The following GOLGA5 variants were observed in gnomAD, a reference collection of about 807,000 sequenced individuals.
GOLGA5 encodes golgin subfamily A member 5.
In GOLGA5, 50 loss-of-function variants were observed where a neutral mutation model predicts 93.5. The observed-to-expected ratio is 0.53, with a 90% CI of 0.43 to 0.68. GOLGA5 has a LOEUF of 0.68. GOLGA5 is among the 30% of genes least tolerant of loss of function. The pLI is 0.00. For synonymous variants in GOLGA5, 312 were observed against 304.5 expected, an observed-to-expected ratio of 1.02 and a Z score of -0.26; for missense variants, 760 against 856.4, an observed-to-expected ratio of 0.89 and a Z score of 1.40.
At chr14:92,810,565 G>C in intron 5 of GOLGA5, 188 bp downstream of exon 5, 3 of 384,364 alleles carry the variant, frequency 7.8e-6, no homozygotes, top group Non-Finnish European at 1.4e-5. Flanking sequence ...AATTTTATGT[G>C]TTGAGAGACA....
chr14:92,823,518 A>T (rs1373446224), intron 8 of GOLGA5, among the ~76,000 whole-genome samples: 2 of 151,156 alleles, frequency 1.3e-5, no homozygotes, highest in Non-Finnish European at 2.9e-5. Context: ...AGGCTCAGGT[A>T]ATTCTCCCAC....
intron 12 of GOLGA5, 85 bp downstream of exon 12, chr14:92,837,534 G>T: frequency 1.4e-6 from 1 of 704,502 alleles, no homozygotes; most frequent in South Asian, 1.6e-5. Flanking sequence ...TTTGGCTACA[G>T]ATCTTATTGA....
At chr14:92,798,063 A>G (rs947064973) in intron 2 of GOLGA5, 82 bp downstream of exon 2, 2 of 914,474 alleles carry the variant, frequency 2.2e-6, no homozygotes, top group South Asian at 3.2e-5. Flanking sequence ...TTTCTCATCT[A>G]CTGTTATGGA....
intron 7 of GOLGA5, among the ~76,000 whole-genome samples, chr14:92,819,500 G>T (rs934590463): frequency 1.3e-5 from 2 of 152,024 alleles, no homozygotes; most frequent in Non-Finnish European, 2.9e-5. Context: ...AGGCCTCGTG[G>T]CATGTGCCTG....
chr14:92,799,204 ATCC>A (rs1264160685), intron 2 of GOLGA5, among the ~76,000 whole-genome samples: 4 of 150,998 alleles, frequency 2.6e-5, no homozygotes, highest in Non-Finnish European at 5.9e-5. Flanking sequence ...AGCTCAAGTG[ATCC>A]TCCTACTTTG....
intron 3 of GOLGA5, among the ~76,000 whole-genome samples, chr14:92,808,495 A>T (rs1386373682): frequency 6.6e-6 from 1 of 151,840 alleles, no homozygotes; most frequent in Admixed American, 6.6e-5. Flanking sequence ...TTTTGTTTTA[A>T]ATTAGCTGAA....
intron 12 of GOLGA5, 64 bp downstream of exon 12, chr14:92,837,513 T>TC (rs1885670959): frequency 1.3e-6 from 1 of 761,140 alleles, no homozygotes; most frequent in African/African-American, 1.8e-5. Flanking sequence ...TTTTTTTGTT[T>TC]GTTTGTTTGT....
intron 9 of GOLGA5, 115 bp from the exon 10 acceptor site, chr14:92,833,005 TAG>T: frequency 2.9e-6 from 2 of 682,920 alleles, no homozygotes; most frequent in East Asian, 2.5e-5. Context: ...TGAGTCAGTA[TAG>T]AGTTTTGAGA....
chr14:92,821,963 G>C (rs1463117562), intron 8 of GOLGA5, among the ~76,000 whole-genome samples: 1 of 152,188 alleles, frequency 6.6e-6, no homozygotes, highest in African/African-American at 2.4e-5. Flanking sequence ...CCTCTTCCCA[G>C]TGCCTTTTTA....
intron 7 of GOLGA5, 138 bp from the exon 8 acceptor site, chr14:92,819,570 C>A: frequency 1.4e-6 from 1 of 726,458 alleles, no homozygotes; most frequent in Admixed American, 2.6e-5. Context: ...GAGTTTGAGG[C>A]TGCCATGAAC....
chr14:92,817,021 C>T (rs917713270), intron 7 of GOLGA5, among the ~76,000 whole-genome samples: 6 of 151,892 alleles, frequency 4.0e-5, no homozygotes, highest in Non-Finnish European at 8.8e-5. Flanking sequence ...CTGCAACCTC[C>T]ACTCCACCTG....
intron 6 of GOLGA5, among the ~76,000 whole-genome samples, chr14:92,812,962 C>G (rs1332355010): frequency 6.6e-6 from 1 of 152,208 alleles, no homozygotes; most frequent in African/African-American, 2.4e-5. Context: ...CAGTGCCCAG[C>G]TGCCTACTGT....
Position 92,816,348 on chromosome 14 carries a change from A to G in GOLGA5, c.1418A>G (p.His473Arg), listed in dbSNP as rs961101058. ...ASSMELEELRHEKEMQREEIQ... is the reference protein window; with the variant it reads ...ASSMELEELRREKEMQREEIQ... ...AGCATGGAGCTGGAAGAACTTCGGCATGAGAAAGAGATGCAGAGGGAGGAA... is the reference window on the plus strand; with the variant it reads ...AGCATGGAGCTGGAAGAACTTCGGCGTGAGAAAGAGATGCAGAGGGAGGAA... The change falls in exon 7 of 13, where the codon CAT (histidine) becomes CGT (arginine). Residue 473 changes from histidine to arginine, a missense_variant. Transcript: ENST00000163416. 6 of 1,614,008 alleles carry G rather than the reference A, an allele frequency of 3.7e-6. No individual in the cohort carries two copies. The African/African-American group carries it at 8.0e-5, about 22-fold the overall frequency.
chr14:92,830,939 C>G (rs1011879143), intron 9 of GOLGA5, among the ~76,000 whole-genome samples: 1 of 152,134 alleles, frequency 6.6e-6, no homozygotes, highest in Non-Finnish European at 1.5e-5. Flanking sequence ...CCAAAAAATT[C>G]GTGTGACTGA....
intron 2 of GOLGA5, among the ~76,000 whole-genome samples, chr14:92,800,449 CTGAG>C (rs573385030): frequency 1.1e-3 from 168 of 152,286 alleles, no homozygotes; most frequent in African/African-American, 3.9e-3. Flanking sequence ...GTTGGAAACA[CTGAG>C]TGAGTTGGAG....
chr14:92,820,628 T>A (rs563193478), intron 8 of GOLGA5, among the ~76,000 whole-genome samples: 1 of 152,150 alleles, frequency 6.6e-6, no homozygotes, highest in African/African-American at 2.4e-5. Context: ...GGCTATCACA[T>A]GGGGAGAAAC....
chr14:92,806,319 AT>A (rs1052413243), intron 2 of GOLGA5, among the ~76,000 whole-genome samples: 1 of 151,772 alleles, frequency 6.6e-6, no homozygotes, highest in African/African-American at 2.4e-5. Context: ...TTATTTATGT[AT>A]TTTTTTTGAG....
chr14:92,811,872 T>A, intron 6 of GOLGA5, 118 bp downstream of exon 6: 1 of 726,026 alleles, frequency 1.4e-6, no homozygotes. Context: ...TTGGCTAGCT[T>A]TAGGTGCCTT....
chr14:92,831,146 G>T (rs141810327), intron 9 of GOLGA5, among the ~76,000 whole-genome samples: 484 of 152,254 alleles, frequency 3.2e-3, no homozygotes, highest in Middle Eastern at 0.014. Context: ...TGGTGCAGCT[G>T]GAACTCTCAC....
Sources: gnomAD v4.1 joint callset for allele counts (sites outside exome capture counted in the v4.1 genomes callset) on GRCh38, gnomAD v4.1.1 for gene constraint, MANE v1.5 for transcripts, NCBI Gene and HGNC (gene_info 2026-07-23, HGNC 2026-07-21) for gene names.